Variants in SLC22A4 observed in about 807,000 individuals in gnomAD.
SLC22A4 encodes solute carrier family 22 member 4.
SLC22A4 carries 39 observed loss-of-function variants against 56.6 expected under a neutral mutation model. The ratio of observed to expected loss-of-function variants is 0.69; its 90% CI spans 0.53 to 0.90. The LOEUF (loss-of-function observed/expected upper bound fraction) is 0.90, where lower values mean the gene tolerates loss of function less well. SLC22A4 is among the 40% of genes least tolerant of loss of function. The pLI is 0.00. For missense variants in SLC22A4, 594 were observed against 696.5 expected (o/e 0.85, Z 1.66); for synonymous variants, 241 against 281.4 (o/e 0.86, Z 1.44).
intron 1 of SLC22A4, among the ~76,000 whole-genome samples, chr5:132,301,465 T>C (rs971662327): frequency 6.6e-6 from 1 of 152,198 alleles, no homozygotes; most frequent in Non-Finnish European, 1.5e-5. Context: ...GGTAGCCCAC[T>C]GGTAGTGGAG....
intron 5 of SLC22A4, among the ~76,000 whole-genome samples, chr5:132,327,880 G>T (rs1459849261): frequency 1.3e-5 from 2 of 152,162 alleles, no homozygotes; most frequent in Non-Finnish European, 2.9e-5. Context: ...GAAAGCACAG[G>T]CTTGAGGATT....
intron 9 of SLC22A4, among the ~76,000 whole-genome samples, chr5:132,341,966 G>A (rs1372912527): frequency 6.6e-6 from 1 of 151,480 alleles, no homozygotes; most frequent in Non-Finnish European, 1.5e-5. Context: ...AACACATCAA[G>A]ATAAAATCCA....
intron 1 of SLC22A4, chr5:132,295,570 G>A (rs1749761801): frequency 3.3e-6 from 1 of 301,094 alleles, no homozygotes; most frequent in Non-Finnish European, 6.5e-6. Context: ...AAGCACAGAA[G>A]GCGAAACCCC....
intron 1 of SLC22A4, among the ~76,000 whole-genome samples, chr5:132,308,269 C>T (rs1029370095): frequency 2.6e-5 from 4 of 151,792 alleles, no homozygotes; most frequent in African/African-American, 9.7e-5. Flanking sequence ...TATGCTTGAC[C>T]TTGAGCTTTG....
intron 3 of SLC22A4, among the ~76,000 whole-genome samples, chr5:132,317,653 G>A (rs1174165880): frequency 1.3e-5 from 2 of 152,180 alleles, no homozygotes; most frequent in East Asian, 3.8e-4. Flanking sequence ...ATTCTCTTGG[G>A]TATAAGGTAG....
Position 132,337,292 on chromosome 5 carries a change from T to C in SLC22A4, c.1444+1292T>C, listed in dbSNP as rs376752149. Among the ~76,000 whole-genome samples, 660 of 134,816 alleles carry C rather than the reference T, an allele frequency of 4.9e-3. 2 individuals are homozygous for C. The highest frequency in any genetic ancestry group is 8.1e-3 in the Non-Finnish European group (511 of 63,430). 88.4% of individuals were successfully genotyped at this position (134,816 alleles called of 152,430 possible). The stretch of plus-strand genomic sequence containing the variant: ...ACCTTTTTTTTTTTTTTTTTTTTTT[T>C]CTGAGACAGGGTCTCACTCTGGAGT... On this transcript the variant is annotated intron_variant, in intron 8 of 9. Transcript: ENST00000200652.
intron 9 of SLC22A4, 53 bp downstream of exon 9, chr5:132,340,753 A>C: frequency 6.6e-7 from 1 of 1,511,002 alleles, no homozygotes; most frequent in Non-Finnish European, 9.2e-7. Context: ...GAGAATAAGC[A>C]TGGAAGAATA....
intron 3 of SLC22A4, among the ~76,000 whole-genome samples, chr5:132,314,585 TA>T (rs1750280357): frequency 6.6e-6 from 1 of 152,210 alleles, no homozygotes; most frequent in Non-Finnish European, 1.5e-5. Flanking sequence ...GGTGGCTCAG[TA>T]CCATCCCAAT....
At chr5:132,333,593 T>G (rs1160618845) in intron 6 of SLC22A4, among the ~76,000 whole-genome samples, 1 of 152,158 alleles carries the variant, frequency 6.6e-6, no homozygotes, top group African/African-American at 2.4e-5. Flanking sequence ...ACTCTGGAGC[T>G]TCTAAGCACA....
chr5:132,340,171 A>G (rs272872), intron 8 of SLC22A4, among the ~76,000 whole-genome samples: 105,779 of 149,328 alleles, frequency 0.71, 37,892 homozygotes, highest in African/African-American at 0.81. Context: ...GACCTATCAT[A>G]GCCAAAACCT....
intron 6 of SLC22A4, among the ~76,000 whole-genome samples, chr5:132,333,523 C>G (rs1458960115): frequency 6.6e-6 from 1 of 152,144 alleles, no homozygotes; most frequent in Non-Finnish European, 1.5e-5. Flanking sequence ...CTCTAGCAGG[C>G]ATACTTTGAG....
In SLC22A4 at chr5:132,294,755, G is replaced by A; in HGVS notation, c.139G>A (p.Glu47Lys). The A allele has an allele frequency of 6.2e-7, 1 of 1,613,790 alleles. No individual in the cohort carries two copies. ...AGTCGTGTTCCTGGCGGGGACCCCGGAGCACCGCTGTCGAGTGCCGGACGC... is the reference window on the plus strand; with the variant it reads ...AGTCGTGTTCCTGGCGGGGACCCCGAAGCACCGCTGTCGAGTGCCGGACGC... ...MSVVFLAGTP[E>K]HRCRVPDAAN... The change falls in exon 1 of 10, where the codon GAG becomes AAG. Residue 47 changes from glutamate (E) to lysine (K), a missense_variant. Transcript: ENST00000200652. The surrounding 1 kb of genome is among the most constrained non-coding windows in gnomAD (Gnocchi z 5.6).
intron 3 of SLC22A4, among the ~76,000 whole-genome samples, chr5:132,315,750 A>G (rs1299731196): frequency 6.6e-6 from 1 of 152,210 alleles, no homozygotes; most frequent in Non-Finnish European, 1.5e-5. Context: ...AGGGCTTGCT[A>G]TCAGCCTGGG....
chr5:132,324,500 A>G (rs1213335230), intron 4 of SLC22A4: 1 of 470,892 alleles, frequency 2.1e-6, no homozygotes, highest in African/African-American at 2.0e-5. Context: ...GGCATACTGT[A>G]CCAGGGACAG....
In SLC22A4 at chr5:132,294,934, G is replaced by A. The variant is rs1432299603; in HGVS notation, c.318G>A (p.Gly106=). Residue 106 remains glycine, a synonymous_variant, in exon 1 of 10, where the codon GGG becomes GGA. Coordinates refer to ENST00000200652, the MANE Select transcript of SLC22A4 (RefSeq NM_003059.3). The surrounding 1 kb of genome is among the most constrained non-coding windows in gnomAD (Gnocchi z 5.6). ...AGCCGGGGCGCGACGTGGACCTGGG[G>A]CAGCTGGAGCAGGAGAGCTGCCTGG... The part of the protein sequence containing the change: ...GLEPGRDVDL[G]QLEQESCLDG... 6.2e-7 allele frequency: 1 copy of A among 1,601,394 alleles called. No individual in the cohort carries two copies. Among genetic ancestry groups the A allele is most frequent in the Admixed American group, 1.7e-5 (1 of 58,180 alleles).
At chr5:132,340,016 T>TACTTATAA (rs1751156475) in intron 8 of SLC22A4, among the ~76,000 whole-genome samples, 1 of 151,374 alleles carries the variant, frequency 6.6e-6, no homozygotes, top group African/African-American at 2.4e-5. Flanking sequence ...ATGTGCCTGA[T>TACTTATAA]ACTTATAATT....
intron 1 of SLC22A4, among the ~76,000 whole-genome samples, chr5:132,300,979 T>C (rs1749893905): frequency 6.6e-6 from 1 of 152,220 alleles, no homozygotes; most frequent in Admixed American, 6.5e-5. Flanking sequence ...CCTTCATATA[T>C]AGCCCTCAGG....
At chr5:132,295,059 T>C (rs755217842) in intron 1 of SLC22A4, 50 bp downstream of exon 1, 1 of 1,563,150 alleles carries the variant, frequency 6.4e-7, no homozygotes, top group East Asian at 2.3e-5. Flanking sequence ...ACCCTCCCTC[T>C]GCGTCAGCCC....
intron 8 of SLC22A4, among the ~76,000 whole-genome samples, chr5:132,336,367 T>C (rs1751026800): frequency 1.3e-5 from 2 of 151,760 alleles, no homozygotes; most frequent in Non-Finnish European, 2.9e-5. Flanking sequence ...CTACTAAAAA[T>C]AAAAAAATTA....
Sources: gnomAD v4.1 joint callset for allele counts (sites outside exome capture counted in the v4.1 genomes callset) on GRCh38, gnomAD v4.1.1 for gene constraint, Gnocchi (gnomAD v3.1) non-coding constraint, MANE v1.5 for transcripts, NCBI Gene and HGNC (gene_info 2026-07-23, HGNC 2026-07-21) for gene names.